Variants in RGS7 observed in about 807,000 individuals in gnomAD.
RGS7 encodes regulator of G protein signaling 7, also known as regulator of G-protein signaling 7.
RGS7 carries 27 observed loss-of-function variants against 81.1 expected under a neutral mutation model. The observed-to-expected ratio is 0.33, with a 90% CI of 0.25 to 0.46. The LOEUF (loss-of-function observed/expected upper bound fraction) is 0.46, where lower values mean the gene tolerates loss of function less well. Ranked by LOEUF, RGS7 falls within the 20% of genes least tolerant of loss-of-function variation. The pLI, the probability that RGS7 is intolerant of heterozygous loss-of-function variation, is 1.00. For synonymous variants in RGS7, 208 were observed against 207.7 expected (o/e 1.00, Z -0.01); for missense variants, 396 against 607.4 (o/e 0.65, Z 3.66).
chr1:241,275,216 CACAGCCACATATTA>C (rs1433669470), intron 2 of RGS7, among the ~76,000 whole-genome samples: 1 of 152,118 alleles, frequency 6.6e-6, no homozygotes, highest in Non-Finnish European at 1.5e-5. Context: ...CAGATGTGGC[CACAGCCACATATTA>C]ATAGCCACAG....
intron 2 of RGS7, among the ~76,000 whole-genome samples, chr1:241,137,882 G>A (rs1156298930): frequency 6.6e-6 from 1 of 152,138 alleles, no homozygotes; most frequent in South Asian, 2.1e-4. Context: ...AGAAATTAGG[G>A]AATAATGGCC....
At chr1:241,089,021 A>ATATCTCTCTCTCTC (rs1491299995) in intron 3 of RGS7, among the ~76,000 whole-genome samples, 2 of 23,660 alleles carry the variant, frequency 8.5e-5, no homozygotes, top group African/African-American at 5.4e-4. Flanking sequence ...GCAAGACTCC[A>ATATCTCTCTCTCTC]TCTCTCTCTC....
At chr1:240,953,673 T>C (rs1571964409) in intron 4 of RGS7, among the ~76,000 whole-genome samples, 1 of 151,942 alleles carries the variant, frequency 6.6e-6, no homozygotes, top group Admixed American at 6.6e-5. Flanking sequence ...CCTAAGATTA[T>C]ACGCTAGCAA....
At chr1:241,251,640 G>A (rs1440117895) in intron 2 of RGS7, among the ~76,000 whole-genome samples, 1 of 151,930 alleles carries the variant, frequency 6.6e-6, no homozygotes, top group Non-Finnish European at 1.5e-5. Flanking sequence ...CTCCCGAGCA[G>A]CTGGGATTAC....
At chr1:241,086,862 G>A (rs192247642) in intron 3 of RGS7, among the ~76,000 whole-genome samples, 5 of 152,078 alleles carry the variant, frequency 3.3e-5, no homozygotes, top group Admixed American at 6.5e-5. Context: ...TCACACCTTC[G>A]AGCTGTTGCA....
intron 2 of RGS7, among the ~76,000 whole-genome samples, chr1:241,208,629 G>A (rs936913996): frequency 6.6e-6 from 1 of 152,084 alleles, no homozygotes; most frequent in Admixed American, 6.5e-5. Context: ...ATCTAGCACA[G>A]TTTCCCTATT....
At chr1:241,330,833 A>G (rs1381183556) in intron 2 of RGS7, among the ~76,000 whole-genome samples, 1 of 152,214 alleles carries the variant, frequency 6.6e-6, no homozygotes, top group African/African-American at 2.4e-5. Context: ...ATTGGGTACT[A>G]TGTTCACTAT....
chr1:240,939,880 G>A (rs923271850), intron 4 of RGS7, among the ~76,000 whole-genome samples: 2 of 151,964 alleles, frequency 1.3e-5, no homozygotes, highest in African/African-American at 4.8e-5. Context: ...AGACCACCAT[G>A]GCCAACCTGG....
At chr1:240,948,499 A>G (rs1046664446) in intron 4 of RGS7, among the ~76,000 whole-genome samples, 23 of 152,058 alleles carry the variant, frequency 1.5e-4, no homozygotes, top group African/African-American at 4.8e-4. Context: ...GCTGGAGTGC[A>G]TTGGCGTGAT....
intron 2 of RGS7, among the ~76,000 whole-genome samples, chr1:241,153,243 G>C (rs2068880306): frequency 6.6e-6 from 1 of 151,294 alleles, no homozygotes; most frequent in Non-Finnish European, 1.5e-5. Flanking sequence ...AGTCACATTA[G>C]AAGTGGTGAC....
At chr1:241,299,949 A>AAT (rs1324286083) in intron 2 of RGS7, among the ~76,000 whole-genome samples, 2 of 150,422 alleles carry the variant, frequency 1.3e-5, no homozygotes, top group East Asian at 3.9e-4. Context: ...AAAAAAAAAA[A>AAT]AAAAAAAAAG....
intron 3 of RGS7, among the ~76,000 whole-genome samples, chr1:241,080,847 C>T (rs923065943): frequency 2.0e-5 from 3 of 152,100 alleles, no homozygotes; most frequent in African/African-American, 7.2e-5. Flanking sequence ...CAAGGAATGC[C>T]TTCTTATGGA....
rs187504251 is a variant in RGS7, at chr1:241,244,684, T to C, written c.78+111015A>G. Among the ~76,000 whole-genome samples the C allele has an allele frequency of 3.3e-5, 5 of 152,096 alleles. No homozygotes were observed. The East Asian group carries it at 9.7e-4, about 29-fold the overall frequency. ...ATGTTTATTGTGGCACTATTCACAA[T>C]AGCAAAGACTTGGAACCAAGCCAAA... On this transcript the variant is annotated intron_variant, in intron 2 of 18. Transcript: ENST00000440928.
intron 2 of RGS7, among the ~76,000 whole-genome samples, chr1:241,330,401 A>G (rs1036512161): frequency 1.3e-5 from 2 of 152,232 alleles, no homozygotes; most frequent in African/African-American, 4.8e-5. Context: ...GAATTTAATA[A>G]CATGTAATTA....
At chr1:241,351,972 C>G (rs1371764001) in intron 2 of RGS7, among the ~76,000 whole-genome samples, 1 of 152,068 alleles carries the variant, frequency 6.6e-6, no homozygotes, top group African/African-American at 2.4e-5. Flanking sequence ...CCAAGGTGAC[C>G]TAGAAATTTT....
chr1:240,841,670 G>T (rs1977840), intron 9 of RGS7, among the ~76,000 whole-genome samples: 101,787 of 151,966 alleles, frequency 0.67, 34,478 homozygotes, highest in Middle Eastern at 0.76. Context: ...GCATATCAAA[G>T]ATTCAAACCT....
At chr1:241,294,870 C>T (rs1262514913) in intron 2 of RGS7, among the ~76,000 whole-genome samples, 2 of 151,454 alleles carry the variant, frequency 1.3e-5, no homozygotes, top group African/African-American at 2.4e-5. Flanking sequence ...GCTACACCAT[C>T]TAGGTTTGTG....
intron 2 of RGS7, among the ~76,000 whole-genome samples, chr1:241,240,692 T>C (rs990163419): frequency 1.3e-5 from 2 of 152,162 alleles, no homozygotes; most frequent in Admixed American, 6.5e-5. Context: ...AATCATAACA[T>C]TAAACAGTGA....
intron 2 of RGS7, among the ~76,000 whole-genome samples, chr1:241,272,093 A>ACG (rs1470080361): frequency 4.0e-5 from 6 of 151,268 alleles, no homozygotes; most frequent in Non-Finnish European, 7.4e-5. Flanking sequence ...TCCCGGGTTC[A>ACG]CGCCATTCTC....
Sources: gnomAD v4.1 joint callset for allele counts (sites outside exome capture counted in the v4.1 genomes callset) on GRCh38, gnomAD v4.1.1 for gene constraint, MANE v1.5 for transcripts, NCBI Gene and HGNC (gene_info 2026-07-23, HGNC 2026-07-21) for gene names.